LIMCH1: variants seen among roughly 807,000 people sequenced by gnomAD.
LIMCH1 encodes the protein LIM and calponin homology domains-containing protein 1.
In LIMCH1, 113 loss-of-function variants were observed where a neutral mutation model predicts 176.5. The observed-to-expected ratio is 0.64, with a 90% confidence interval of 0.55 to 0.75. The LOEUF (loss-of-function observed/expected upper bound fraction) is 0.75, where lower values mean the gene tolerates loss of function less well. Among genes scored for constraint, LIMCH1 ranks in the 30% least tolerant of loss-of-function variants. The probability of loss-of-function intolerance (pLI) is 0.00; values close to 1 mark genes in which losing one functional copy is unlikely to be tolerated. For missense variants in LIMCH1, 1,674 were observed against 1,814.9 expected (o/e 0.92, Z 1.41); for synonymous variants, 619 against 645.9 (o/e 0.96, Z 0.63).
rs1046288262 is a variant in LIMCH1, at chr4:41,684,451, T to G, written c.3900T>G (p.His1300Gln). 3.7e-6 allele frequency: 6 copies of G among 1,613,646 alleles called. No individual in the cohort carries two copies. The Admixed American group carries it at 5.0e-5, about 13-fold the overall frequency. ...HSGNPVSKGV[H>Q]EDHQLDTEAG... ...GGAACCCTGTATCAAAAGGAGTCCA[T>G]GAAGACCATCAGCTGGATACCGAGG... Residue 1300 changes from histidine (H) to glutamine (Q), a missense_variant, in exon 27 of 32, where the codon CAT becomes CAG. Coordinates refer to ENST00000503057, the MANE Select transcript of LIMCH1 (RefSeq NM_001330672.2).
chr4:41,692,967 C>G (rs990545469), intron 31 of LIMCH1: 3 of 152,260 alleles, frequency 2.0e-5, no homozygotes, highest in Admixed American at 2.0e-4. Flanking sequence ...TATTTGCTGC[C>G]TTAGTAAGTG....
chr4:41,650,151 G>T (rs2094228232), intron 17 of LIMCH1, among the ~76,000 whole-genome samples: 1 of 152,188 alleles, frequency 6.6e-6, no homozygotes, highest in Non-Finnish European at 1.5e-5. Flanking sequence ...AGGTGAACAT[G>T]AAATGGAATC....
chr4:41,451,378 G>A (rs752885915), intron 1 of LIMCH1, among the ~76,000 whole-genome samples: 3 of 151,612 alleles, frequency 2.0e-5, no homozygotes, highest in Non-Finnish European at 4.4e-5. Context: ...TGCCTGCCTC[G>A]GCCTCCCAAA....
At chr4:41,606,060 A>G (rs915257030) in intron 4 of LIMCH1, 56 bp downstream of exon 4, 1 of 1,256,996 alleles carries the variant, frequency 8.0e-7, no homozygotes, top group Non-Finnish European at 1.2e-6. Flanking sequence ...GGAAAGCTAC[A>G]CATTTGCTTG....
intron 2 of LIMCH1, among the ~76,000 whole-genome samples, chr4:41,500,719 G>T (rs939061199): frequency 1.3e-5 from 2 of 152,202 alleles, no homozygotes; most frequent in African/African-American, 4.8e-5. Context: ...GGGCACACCT[G>T]CCCAAGGAAG....
intron 31 of LIMCH1, among the ~76,000 whole-genome samples, chr4:41,696,753 A>G (rs1304473373): frequency 6.6e-6 from 1 of 152,226 alleles, no homozygotes; most frequent in Non-Finnish European, 1.5e-5. Flanking sequence ...TCATATTACA[A>G]TGTACTTATT....
rs549239681 is a variant in LIMCH1, at chr4:41,469,689, T to C, written c.97-24847T>C. ...AGATTTATTTATTTATTTATTTATTTATTTATTTTTGAGATGGAATCTCTC... is the reference window on the plus strand; with the variant it reads ...AGATTTATTTATTTATTTATTTATTCATTTATTTTTGAGATGGAATCTCTC... On this transcript the variant is annotated intron_variant, in intron 1 of 26. Transcript: ENST00000313860. 9.2e-5 allele frequency among the ~76,000 whole-genome samples: 14 copies of C among 152,006 alleles called. No individual in the cohort carries two copies. The South Asian group carries it at 2.1e-3, about 23-fold the overall frequency.
intron 1 of LIMCH1, among the ~76,000 whole-genome samples, chr4:41,596,062 T>A (rs9994760): frequency 0.11 from 10,769 of 94,670 alleles, 1,819 homozygotes; most frequent in African/African-American, 0.51. Context: ...AAAAAAAAAA[T>A]AAAAAAGTTC....
At chr4:41,451,178 C>T (rs534365567) in intron 1 of LIMCH1, among the ~76,000 whole-genome samples, 1 of 152,256 alleles carries the variant, frequency 6.6e-6, no homozygotes, top group South Asian at 2.1e-4. Flanking sequence ...TGCAATGGCA[C>T]GATCTTGGCT....
At chr4:41,681,375 T>C (rs1267917693) in intron 25 of LIMCH1, among the ~76,000 whole-genome samples, 1 of 152,196 alleles carries the variant, frequency 6.6e-6, no homozygotes, top group Non-Finnish European at 1.5e-5. Flanking sequence ...GGAATATCCT[T>C]CTCACAGCCC....
intron 1 of LIMCH1, among the ~76,000 whole-genome samples, chr4:41,391,251 A>G (rs1194489778): frequency 2.0e-5 from 3 of 152,178 alleles, no homozygotes; most frequent in Non-Finnish European, 2.9e-5. Context: ...ATTTGTGTGA[A>G]GCCTATGTTG....
Position 41,646,645 on chromosome 4 carries a change from G to A in LIMCH1, c.2572G>A (p.Glu858Lys). The change falls in exon 17 of 32, where the codon GAG becomes AAG. Residue 858 changes from glutamate (E) to lysine (K), a missense_variant. By Grantham distance (56) the Glu-to-Lys change is moderately conservative. Around this residue, in one of 3 missense-constraint regions of LIMCH1, gnomAD observed 1,015 missense variants for 1,102.5 expected, o/e 0.92. Transcript: ENST00000503057. ...PKILERSHST[E>K]PNLSSFLNDP... The stretch of plus-strand genomic sequence containing the variant: ...AATTCTGGAAAGAAGCCATTCAACA[G>A]AGCCAAATTTATCCTCCTTCCTGAA... The A allele has an allele frequency of 6.2e-7, 1 of 1,614,180 alleles. No homozygotes were observed. The highest frequency in any genetic ancestry group is 8.5e-7 in the Non-Finnish European group (1 of 1,180,038).
In LIMCH1 at chr4:41,650,582, C is replaced by G. The variant is rs1387248786; in HGVS notation, c.3010C>G (p.Pro1004Ala). 5 of 1,613,686 alleles carry G rather than the reference C, an allele frequency of 3.1e-6. No homozygotes were observed. The East Asian group carries it at 1.1e-4, about 36-fold the overall frequency. The change falls in exon 18 of 32, where the codon CCA becomes GCA. Residue 1004 changes from proline (P) to alanine (A), a missense_variant. Coordinates refer to ENST00000503057, the MANE Select transcript of LIMCH1 (RefSeq NM_001330672.2). ...NGSIEINIKK[P>A]NSVPQELAAT... is the part of the protein sequence containing the mutation. Reference sequence around the variant, plus strand: ...TAGCATCGAGATCAACATAAAGAAGCCAAACTCTGTTCCCCAAGAGCTCGC... The same window carrying G: ...TAGCATCGAGATCAACATAAAGAAGGCAAACTCTGTTCCCCAAGAGCTCGC...
chr4:41,687,864 G>A lies in LIMCH1; in HGVS notation c.4113G>A (p.Gln1371=), dbSNP rs759872422. 2 of 1,613,380 alleles carry A rather than the reference G, an allele frequency of 1.2e-6. No homozygotes were observed. Among genetic ancestry groups the A allele is most frequent in the Non-Finnish European group, 1.7e-6 (2 of 1,179,630 alleles). Residue 1371 remains glutamine, a synonymous_variant, in exon 29 of 32, where the codon CAG becomes CAA. Transcript: ENST00000503057. The part of the protein sequence containing the change: ...RRKKSPREHF[Q]AGPFSPCSPT... ...GGAAAAGTCCCCGAGAGCACTTCCA[G>A]GCTGGGCCTTTCTCTCCCTGTTCTC... is the stretch of plus-strand genomic sequence containing the variant.
intron 1 of LIMCH1, among the ~76,000 whole-genome samples, chr4:41,433,415 T>C (rs1187590196): frequency 6.6e-6 from 1 of 152,216 alleles, no homozygotes; most frequent in Non-Finnish European, 1.5e-5. Flanking sequence ...AACAACAATT[T>C]ATTGTTTCTT....
chr4:41,433,003 A>T (rs971610843), intron 1 of LIMCH1, among the ~76,000 whole-genome samples: 10 of 152,200 alleles, frequency 6.6e-5, no homozygotes, highest in African/African-American at 2.2e-4. Context: ...TTCTTGAGGA[A>T]TTTTCTCACT....
At chr4:41,661,690 T>C (rs2094626637) in intron 19 of LIMCH1, among the ~76,000 whole-genome samples, 180 bp downstream of exon 19, 1 of 152,210 alleles carries the variant, frequency 6.6e-6, no homozygotes, top group Non-Finnish European at 1.5e-5. Flanking sequence ...TGGTTAATGT[T>C]GCTGTGAAAA....
At chr4:41,596,763 A>G (rs961230375) in intron 1 of LIMCH1, among the ~76,000 whole-genome samples, 7 of 152,208 alleles carry the variant, frequency 4.6e-5, no homozygotes, top group African/African-American at 1.7e-4. Flanking sequence ...AAATGTGGAA[A>G]GTAACCGAAG....
chr4:41,393,411 A>G (rs1265818679), intron 1 of LIMCH1, among the ~76,000 whole-genome samples: 1 of 152,236 alleles, frequency 6.6e-6, no homozygotes, highest in East Asian at 1.9e-4. Flanking sequence ...GTGCATTAGT[A>G]GAGCATGGGA....
Sources: allele counts gnomAD v4.1 joint callset (sites outside exome capture counted in the v4.1 genomes callset), GRCh38; gene constraint gnomAD v4.1.1; regional missense constraint gnomAD v4.1.1; transcripts MANE v1.5; gene names NCBI Gene and HGNC (gene_info 2026-07-23, HGNC 2026-07-21).